Variants in SDK1 observed in about 807,000 individuals in gnomAD.
SDK1 encodes sidekick cell adhesion molecule 1.
SDK1 carries 157 observed loss-of-function variants against 245.5 expected under a neutral mutation model. The observed-to-expected ratio is 0.64, with a 90% CI of 0.56 to 0.73. SDK1 has a LOEUF of 0.73. SDK1 is among the 30% of genes least tolerant of loss of function. The probability of loss-of-function intolerance (pLI) is 0.00; values close to 1 mark genes in which losing one functional copy is unlikely to be tolerated. For missense variants in SDK1, 3,583 were observed against 3,002.3 expected (o/e 1.19, Z -4.52); for synonymous variants, 1,647 against 1,278.5 (o/e 1.29, Z -6.15).
chr7:3,848,474 G>A (rs907873641), intron 5 of SDK1, among the ~76,000 whole-genome samples: 1 of 152,124 alleles, frequency 6.6e-6, no homozygotes, highest in Non-Finnish European at 1.5e-5. Flanking sequence ...GGGAGTAGCT[G>A]GAGTCAGGCA....
At chr7:3,361,217 G>A (rs1404712297) in intron 1 of SDK1, among the ~76,000 whole-genome samples, 2 of 152,266 alleles carry the variant, frequency 1.3e-5, no homozygotes, top group African/African-American at 2.4e-5. Flanking sequence ...AGATTGAAAC[G>A]GGAGGATTGC....
chr7:3,485,882 G>T lies in SDK1; in HGVS notation c.299-133198G>T, dbSNP rs116637488. Among the ~76,000 whole-genome samples the T allele has an allele frequency of 2.3e-3, 346 of 151,458 alleles. 4 individuals are homozygous for T. Among genetic ancestry groups the T allele is most frequent in the African/African-American group, 8.0e-3 (331 of 41,346 alleles). Reference sequence around the variant, plus strand: ...TTTAAAAAATCTTATTCTTTGTCCCGTTAGGACAGTTTATATAATATTGGT... The same window carrying T: ...TTTAAAAAATCTTATTCTTTGTCCCTTTAGGACAGTTTATATAATATTGGT... On this transcript the variant is annotated intron_variant, in intron 1 of 44. Coordinates refer to ENST00000404826, the MANE Select transcript of SDK1 (RefSeq NM_152744.4).
intron 4 of SDK1, among the ~76,000 whole-genome samples, chr7:3,678,083 C>T (rs1783966197): frequency 6.6e-6 from 1 of 152,164 alleles, no homozygotes; most frequent in African/African-American, 2.4e-5. Context: ...CACAATTAGA[C>T]ACAACTTCAC....
At position 4,039,302 on chromosome 7, in the gene SDK1, T is replaced by TAA. The variant is rs11450665; in HGVS notation, c.2603-10037_2603-10036dup. Reference sequence around the variant, plus strand: ...ATGTACCGGAAAACTTAAAGTATAATAAAAAAAAAAGTTTCTTATTATGAT... The same window carrying TAA: ...ATGTACCGGAAAACTTAAAGTATAATAAAAAAAAAAAAGTTTCTTATTATGAT... On this transcript the variant is annotated intron_variant, in intron 17 of 44. Transcript: ENST00000404826. Among the ~76,000 whole-genome samples, 397 of 148,736 alleles carry TAA rather than the reference T, an allele frequency of 2.7e-3. 3 individuals are homozygous for TAA. Among genetic ancestry groups the TAA allele is most frequent in the African/African-American group, 8.6e-3 (349 of 40,622 alleles).
In SDK1 at chr7:3,310,423, G is replaced by A. The variant is rs564658885; in HGVS notation, c.298+8539G>A. Reference sequence around the variant, plus strand: ...GAGAGAAAGTAGCAGCTTGGGCTAGGTGGTGGTGCTGGAGATGGAGAGAGG... The same window carrying A: ...GAGAGAAAGTAGCAGCTTGGGCTAGATGGTGGTGCTGGAGATGGAGAGAGG... On this transcript the variant is annotated intron_variant, in intron 1 of 44. Transcript: ENST00000404826. 7.2e-5 allele frequency among the ~76,000 whole-genome samples: 11 copies of A among 152,336 alleles called. No individual in the cohort carries two copies. The South Asian group carries it at 2.3e-3, about 32-fold the overall frequency.
intron 4 of SDK1, among the ~76,000 whole-genome samples, chr7:3,764,686 A>C (rs1780204618): frequency 6.6e-6 from 1 of 152,188 alleles, no homozygotes; most frequent in Non-Finnish European, 1.5e-5. Flanking sequence ...TGTCTCAAAA[A>C]ATAAAAAAAT....
intron 5 of SDK1, among the ~76,000 whole-genome samples, chr7:3,845,913 A>C (rs1780266522): frequency 6.6e-6 from 1 of 152,172 alleles, no homozygotes; most frequent in Non-Finnish European, 1.5e-5. Context: ...GTAGAAATGA[A>C]ATTTGATTTG....
chr7:3,546,243 G>A (rs904323651), intron 1 of SDK1, among the ~76,000 whole-genome samples: 1 of 152,066 alleles, frequency 6.6e-6, no homozygotes, highest in African/African-American at 2.4e-5. Flanking sequence ...ACACTGTAAC[G>A]AACAATGATG....
chr7:4,183,662 A>T (rs1008414178), intron 35 of SDK1, among the ~76,000 whole-genome samples: 35 of 151,820 alleles, frequency 2.3e-4, no homozygotes, highest in African/African-American at 8.0e-4. Flanking sequence ...AAAAAAAAGA[A>T]AGTATGCTTA....
At chr7:3,537,956 C>T (rs574112422) in intron 1 of SDK1, among the ~76,000 whole-genome samples, 72 of 152,316 alleles carry the variant, frequency 4.7e-4, no homozygotes, top group African/African-American at 1.7e-3. Flanking sequence ...AGTGCTCCTC[C>T]AGGGTGGAGA....
At chr7:3,706,669 T>A (rs529914413) in intron 4 of SDK1, among the ~76,000 whole-genome samples, 1 of 152,318 alleles carries the variant, frequency 6.6e-6, no homozygotes, top group African/African-American at 2.4e-5. Context: ...CCCAAAGTGC[T>A]GGGATTATAG....
chr7:4,193,102 T>C (rs1562413533), intron 35 of SDK1, among the ~76,000 whole-genome samples: 1 of 135,606 alleles, frequency 7.4e-6, no homozygotes, highest in Non-Finnish European at 1.5e-5. Flanking sequence ...GTATATATAA[T>C]ATAAATATAT....
At chr7:3,767,454 A>G (rs970086914) in intron 4 of SDK1, among the ~76,000 whole-genome samples, 1 of 131,214 alleles carries the variant, frequency 7.6e-6, no homozygotes, top group Non-Finnish European at 1.8e-5. Flanking sequence ...TAAGGCTTTT[A>G]AAAAAATTGT....
At chr7:3,589,873 C>G (rs1331729912) in intron 1 of SDK1, among the ~76,000 whole-genome samples, 14 of 152,010 alleles carry the variant, frequency 9.2e-5, no homozygotes, top group Non-Finnish European at 1.5e-5. Context: ...TGCATAATAC[C>G]CAGACTGTGA....
chr7:4,041,077 T>C (rs1788595484), intron 17 of SDK1, among the ~76,000 whole-genome samples: 1 of 152,220 alleles, frequency 6.6e-6, no homozygotes, highest in Non-Finnish European at 1.5e-5. Flanking sequence ...AGCTCCTGTA[T>C]CAATTGGTCC....
At chr7:3,799,183 A>T (rs886488460) in intron 4 of SDK1, among the ~76,000 whole-genome samples, 10 of 152,076 alleles carry the variant, frequency 6.6e-5, no homozygotes, top group African/African-American at 2.4e-4. Context: ...CTTCTTATAA[A>T]CTTCAAAATA....
At chr7:4,173,079 C>A (rs1203813205) in intron 32 of SDK1, among the ~76,000 whole-genome samples, 1 of 152,244 alleles carries the variant, frequency 6.6e-6, no homozygotes, top group Non-Finnish European at 1.5e-5. Context: ...GCCCAGGGAG[C>A]AGGATGGTGC....
chr7:3,558,411 G>T (rs1779653503), intron 1 of SDK1, among the ~76,000 whole-genome samples: 1 of 152,220 alleles, frequency 6.6e-6, no homozygotes, highest in African/African-American at 2.4e-5. Flanking sequence ...TCTTTGACCA[G>T]TCCTGCAGTC....
At chr7:3,686,015 G>A (rs1308407565) in intron 4 of SDK1, among the ~76,000 whole-genome samples, 4 of 152,160 alleles carry the variant, frequency 2.6e-5, no homozygotes, top group African/African-American at 7.2e-5. Flanking sequence ...CTCACTTAAA[G>A]TGCAATGACA....
Sources: allele counts gnomAD v4.1 joint callset (sites outside exome capture counted in the v4.1 genomes callset), GRCh38; gene constraint gnomAD v4.1.1; transcripts MANE v1.5; gene names NCBI Gene and HGNC (gene_info 2026-07-23, HGNC 2026-07-21).